The following CLINT1 variants were observed in gnomAD, a reference collection of about 807,000 sequenced individuals.
CLINT1 encodes clathrin interacting protein localized in the trans-Golgi region.
A neutral mutation model predicts 70.4 loss-of-function variants in CLINT1; 15 were observed. That is an observed-to-expected ratio of 0.21 (90% CI 0.14 to 0.33). The LOEUF (loss-of-function observed/expected upper bound fraction) is 0.33. Among genes scored for constraint, CLINT1 ranks in the 10% least tolerant of loss-of-function variants. CLINT1 has a pLI of 1.00. For missense variants in CLINT1, 615 were observed against 778.1 expected, an observed-to-expected ratio of 0.79 and a Z score of 2.49; for synonymous variants, 227 against 254.7, an observed-to-expected ratio of 0.89 and a Z score of 1.04.
chr5:157,826,819 C>A (rs974907617), intron 1 of CLINT1, among the ~76,000 whole-genome samples: 3 of 152,092 alleles, frequency 2.0e-5, no homozygotes, highest in African/African-American at 7.2e-5. Context: ...TGACATTAAC[C>A]TATTTATACC....
At chr5:157,820,150 T>G (rs982562586) in intron 1 of CLINT1, among the ~76,000 whole-genome samples, 9 of 152,262 alleles carry the variant, frequency 5.9e-5, no homozygotes, top group Non-Finnish European at 1.3e-4. Flanking sequence ...CCAGATCTAT[T>G]AGAAGTTATT....
rs767465471 is a variant in CLINT1, at chr5:157,859,136, G to A, written c.-166C>T. On this transcript the variant is annotated 5_prime_UTR_variant, in exon 1 of 12. The change creates a new upstream start codon in the 5' untranslated region. Transcript: ENST00000411809. ...ACAGCAGCGGCGCCGCCGGTGACACGTCGAGACGCGGCAGCACAGGCGCTG... is the reference window on the plus strand; with the variant it reads ...ACAGCAGCGGCGCCGCCGGTGACACATCGAGACGCGGCAGCACAGGCGCTG... 24 of 627,428 alleles carry A rather than the reference G, an allele frequency of 3.8e-5. No individual in the cohort carries two copies. The highest frequency in any genetic ancestry group is 1.0e-4 in the East Asian group (3 of 29,872). The allele number at this position is 627,428 out of a possible 1,614,324, so 38.9% of individuals were successfully genotyped here.
At chr5:157,814,686 T>C (rs975845800) in intron 3 of CLINT1, among the ~76,000 whole-genome samples, 18 of 152,240 alleles carry the variant, frequency 1.2e-4, no homozygotes, top group Non-Finnish European at 2.2e-4. Context: ...AATCCTATAG[T>C]ATTTTCCCCA....
chr5:157,792,650 ACAAT>A (rs1761953635), intron 9 of CLINT1, among the ~76,000 whole-genome samples: 3 of 152,218 alleles, frequency 2.0e-5, no homozygotes, highest in Non-Finnish European at 2.9e-5. Context: ...CCATTTATTT[ACAAT>A]CAAAGAGAGG....
In CLINT1 at chr5:157,855,037, G is replaced by A. The variant is rs184525751; in HGVS notation, c.41+3893C>T. On this transcript the variant is annotated intron_variant, in intron 1 of 11. Transcript: ENST00000411809. ...TAGACGCCTGTAATCCCAGCTACTC[G>A]GGAGGCTGAGGCAGGAGAATCATTT... is the stretch of plus-strand genomic sequence containing the variant. Among the ~76,000 whole-genome samples the A allele has an allele frequency of 1.4e-3, 207 of 151,756 alleles. 1 individual carries two copies. Among genetic ancestry groups the A allele is most frequent in the Middle Eastern group, 3.4e-3 (1 of 294 alleles).
rs1305031835 is a variant in CLINT1, at chr5:157,809,692, T to C, written c.631A>G (p.Thr211Ala). 8.7e-6 allele frequency: 14 copies of C among 1,613,416 alleles called. 1 individual carries two copies. Among genetic ancestry groups the C allele is most frequent in the African/African-American group, 2.7e-5 (2 of 74,870 alleles). ...AACTTGCTGATGGTGTCATCAATTG[T>C]GCTTCCAATTTTATCACTCAGCTCA... ...LGELSDKIGS[T>A]IDDTISKFRR... is the part of the protein sequence containing the mutation. The change falls in exon 6 of 12, where the codon ACA becomes GCA. Residue 211 changes from threonine to alanine, a missense_variant. By Grantham distance (58) the Thr-to-Ala change is moderately conservative (BLOSUM62 0). Transcript: ENST00000411809.
intron 1 of CLINT1, among the ~76,000 whole-genome samples, chr5:157,837,617 T>G (rs1002672133): frequency 6.6e-6 from 1 of 151,608 alleles, no homozygotes; most frequent in African/African-American, 2.4e-5. Context: ...AAATCAGTGT[T>G]GTCTTGCCAG....
intron 1 of CLINT1, among the ~76,000 whole-genome samples, chr5:157,844,186 T>C (rs1049095319): frequency 3.3e-5 from 5 of 152,186 alleles, no homozygotes; most frequent in African/African-American, 9.6e-5. Flanking sequence ...AAACTGTTTC[T>C]AGAACCTGTC....
Position 157,851,686 on chromosome 5 carries a change from C to CAAAAA in CLINT1, c.41+7239_41+7243dup, listed in dbSNP as rs34229522. On this transcript the variant is annotated intron_variant, in intron 1 of 11. Coordinates refer to ENST00000411809, the MANE Select transcript of CLINT1 (RefSeq NM_014666.4). The stretch of plus-strand genomic sequence containing the variant: ...TGAGTGACAGAGCAAGACCCCGTCT[C>CAAAAA]AAAAAAAAAAAAAAAAAAGAAATGA... 1.5e-4 allele frequency among the ~76,000 whole-genome samples: 13 copies of CAAAAA among 88,876 alleles called. 1 individual carries two copies. The highest frequency in any genetic ancestry group is 1.9e-4 in the Non-Finnish European group (8 of 41,972). 58.3% of individuals were successfully genotyped at this position (88,876 alleles called of 152,430 possible). A position where few individuals can be genotyped will look rare whatever the true frequency, so the allele number is the denominator to read the frequency against.
chr5:157,796,972 AG>A (rs1398539513), intron 8 of CLINT1, among the ~76,000 whole-genome samples: 1 of 152,074 alleles, frequency 6.6e-6, no homozygotes, highest in African/African-American at 2.4e-5. Flanking sequence ...TCTACACTAC[AG>A]CTTAGTCTAA....
chr5:157,812,034 A>G (rs1213960197), intron 5 of CLINT1, among the ~76,000 whole-genome samples: 1 of 152,352 alleles, frequency 6.6e-6, no homozygotes, highest in Middle Eastern at 3.4e-3. Context: ...AAAAAAAAGA[A>G]AAAGAAAAAA....
At chr5:157,795,620 CAACA>C (rs1762042133) in intron 8 of CLINT1, 3 of 151,488 alleles carry the variant, frequency 2.0e-5, no homozygotes, top group Admixed American at 6.6e-5. Flanking sequence ...AAACAGTACA[CAACA>C]AACAAATAAA....
intron 1 of CLINT1, among the ~76,000 whole-genome samples, chr5:157,833,252 G>T (rs1287862778): frequency 1.3e-5 from 2 of 152,000 alleles, no homozygotes; most frequent in Admixed American, 1.3e-4. Flanking sequence ...CTGGGAAGCT[G>T]AGGCAGGAGA....
rs1561632422 is a variant in CLINT1 at position 157,787,791 on chromosome 5, C to T, written c.1733G>A (p.Gly578Asp). 6.2e-7 allele frequency: 1 copy of T among 1,614,014 alleles called. No individual in the cohort carries two copies. Among genetic ancestry groups the T allele is most frequent in the South Asian group, 1.1e-5 (1 of 91,090 alleles). The change falls in exon 12 of 12, where the codon GGC becomes GAC. Residue 578 changes from glycine (G) to aspartate (D), a missense_variant. By Grantham distance (94) the Gly-to-Asp change is moderately conservative. Around this residue, in one of 2 missense-constraint regions of CLINT1, gnomAD observed 374 missense variants for 409.6 expected, o/e 0.91. Transcript: ENST00000411809. Reference sequence around the variant, plus strand: ...GGACATCCCTATGTTCATGTTCATGCCCATCATGCTCTGGTTCATCATCGG... The same window carrying T: ...GGACATCCCTATGTTCATGTTCATGTCCATCATGCTCTGGTTCATCATCGG... ...NTPMMNQSMMGMNMNIGMSAA... is the reference protein window; with the variant it reads ...NTPMMNQSMMDMNMNIGMSAA...
chr5:157,856,077 C>A (rs1391454828), intron 1 of CLINT1, among the ~76,000 whole-genome samples: 1 of 152,112 alleles, frequency 6.6e-6, no homozygotes, highest in Non-Finnish European at 1.5e-5. Flanking sequence ...CACTAAAAGT[C>A]CTAGTCTTCC....
chr5:157,817,094 T>C (rs73293411), intron 2 of CLINT1, among the ~76,000 whole-genome samples: 4,478 of 152,234 alleles, frequency 0.029, 204 homozygotes, highest in African/African-American at 0.1. Context: ...AAGCTCTTCA[T>C]TCACTGGTAC....
At chr5:157,849,077 C>CT (rs1324746793) in intron 1 of CLINT1, among the ~76,000 whole-genome samples, 1 of 152,238 alleles carries the variant, frequency 6.6e-6, no homozygotes, top group African/African-American at 2.4e-5. Context: ...GGTTTACAAG[C>CT]ATGAGCCACC....
In CLINT1 at chr5:157,786,285, CA is replaced by C. The variant is rs1249872516; in HGVS notation, c.*1360del. The C allele has an allele frequency of 6.6e-6, 1 of 152,212 alleles. No homozygotes were observed. Among genetic ancestry groups the C allele is most frequent in the African/African-American group, 2.4e-5 (1 of 41,362 alleles). The allele number at this position is 152,212 out of a possible 1,614,324, so 9.4% of individuals were successfully genotyped here. ...CAGAACGAAAGAAAAAGCAGTTCAACATTGATTTTAATGAACATTTTAATGT... is the reference window on the plus strand; with the variant it reads ...CAGAACGAAAGAAAAAGCAGTTCAACTTGATTTTAATGAACATTTTAATGT... On this transcript the variant is annotated 3_prime_UTR_variant, in exon 12 of 12. Transcript: ENST00000411809.
chr5:157,835,550 C>A (rs186545223), intron 1 of CLINT1, among the ~76,000 whole-genome samples: 1 of 151,920 alleles, frequency 6.6e-6, no homozygotes. Context: ...CTTTCCCTCT[C>A]GGTGCCTAAC....
Sources: allele counts gnomAD v4.1 joint callset (sites outside exome capture counted in the v4.1 genomes callset), GRCh38; gene constraint gnomAD v4.1.1; regional missense constraint gnomAD v4.1.1; transcripts MANE v1.5; gene names NCBI Gene and HGNC (gene_info 2026-07-23, HGNC 2026-07-21).